PKN3: variants seen among roughly 807,000 people sequenced by gnomAD.
The protein encoded by PKN3 is serine/threonine-protein kinase N3.
A neutral mutation model predicts 113.1 loss-of-function variants in PKN3; 91 were observed. The observed-to-expected ratio is 0.80, with a 90% CI of 0.68 to 0.96. The LOEUF is 0.96. Among genes scored for constraint, PKN3 ranks in the 40% least tolerant of loss-of-function variants. The probability of loss-of-function intolerance (pLI) is 0.00; values close to 1 mark genes in which losing one functional copy is unlikely to be tolerated. For synonymous variants in PKN3, 467 were observed against 499.0 expected (o/e 0.94, Z 0.85); for missense variants, 1,052 against 1,202.2 (o/e 0.88, Z 1.85).
In PKN3 at chr9:128,719,766, T is replaced by C; in HGVS notation, c.2206T>C (p.Tyr736His). 1 of 1,606,424 alleles carries C rather than the reference T, an allele frequency of 6.2e-7. No individual in the cohort carries two copies. Among genetic ancestry groups the C allele is most frequent in the Admixed American group, 1.7e-5 (1 of 59,456 alleles). ...TCCCGAGGTGCTGACCCAGGAGGCA[T>C]ACACACGGGCTGTGGACTGGTGGGG... ...LAPEVLTQEA[Y>H]TRAVDWWGLG... is the part of the protein sequence containing the mutation. Residue 736 changes from tyrosine to histidine, a missense_variant, in exon 19 of 22, where the codon TAC (tyrosine) becomes CAC (histidine). By Grantham distance (83) the Tyr-to-His change is moderately conservative (BLOSUM62 2). This residue lies in a region of PKN3 where 333 missense variants were observed against 442.8 expected (regional missense o/e 0.75). Transcript: ENST00000291906.
Position 128,719,829 on chromosome 9 carries a change from G to T in PKN3, c.2268+1G>T. ...GCTCTACGAGATGCTGGTGGGTGAG[G>T]TGAGTGCTGGAGCCTGTTTCCTGGG... On this transcript the variant is annotated splice_donor_variant, in intron 19 of 21. Transcript: ENST00000291906. LOFTEE classifies it high-confidence loss of function. 1 of 1,603,614 alleles carries T rather than the reference G, an allele frequency of 6.2e-7. No homozygotes were observed. Among genetic ancestry groups the T allele is most frequent in the Non-Finnish European group, 8.5e-7 (1 of 1,171,942 alleles).
At chr9:128,711,561 G>A (rs1862176492) in intron 6 of PKN3, among the ~76,000 whole-genome samples, 1 of 151,920 alleles carries the variant, frequency 6.6e-6, no homozygotes, top group Non-Finnish European at 1.5e-5. Context: ...GCCTCCCAAA[G>A]TGCTGGGATT....
chr9:128,713,358 G>A lies in PKN3; in HGVS notation c.1063G>A (p.Asp355Asn), dbSNP rs149211383. The change falls in exon 8 of 22, where the codon GAC becomes AAC. Residue 355 changes from aspartate (D) to asparagine (N), a missense_variant. Physicochemically the swap from Asp to Asn is conservative, Grantham distance 23. Around this residue, in one of 2 missense-constraint regions of PKN3, gnomAD observed 719 missense variants for 759.4 expected, o/e 0.95. Transcript: ENST00000291906. Reference sequence around the variant, plus strand: ...GGGGCAGGTGGCCGAACAGTCCTGGGACCAGACCTTTGTCATCCCACTGGA... The same window carrying A: ...GGGGCAGGTGGCCGAACAGTCCTGGAACCAGACCTTTGTCATCCCACTGGA... Reference protein sequence around the residue: ...GWGQVAEQSWDQTFVIPLERA... With the variant: ...GWGQVAEQSWNQTFVIPLERA... 29 of 1,613,966 alleles carry A rather than the reference G, an allele frequency of 1.8e-5. No homozygotes were observed. The highest frequency in any genetic ancestry group is 3.3e-4 in the Middle Eastern group (2 of 6,080).
At chr9:128,707,116 G>C (rs1399067870) in intron 5 of PKN3, 93 bp downstream of exon 5, 2 of 1,594,560 alleles carry the variant, frequency 1.3e-6, no homozygotes, top group Non-Finnish European at 1.7e-6. Context: ...TGTAAAAGCA[G>C]GACTTCTCTG....
intron 16 of PKN3, among the ~76,000 whole-genome samples, chr9:128,717,247 G>A (rs1208114770): frequency 6.8e-6 from 1 of 147,100 alleles, no homozygotes; most frequent in Non-Finnish European, 1.5e-5. Context: ...TCCTGCCTCA[G>A]CCTCCTGAGT....
At chr9:128,703,073 C>T (rs1311656511) in intron 1 of PKN3, 134 bp downstream of exon 1, 4 of 639,364 alleles carry the variant, frequency 6.3e-6, no homozygotes, top group Non-Finnish European at 9.8e-6. Context: ...CTGCCCTGGC[C>T]CCGGCCCCGC....
intron 16 of PKN3, among the ~76,000 whole-genome samples, chr9:128,718,029 C>T (rs535761925): frequency 3.3e-5 from 5 of 149,842 alleles, no homozygotes; most frequent in East Asian, 1.9e-4. Context: ...AGTGAGACTC[C>T]GTCTCAAAAA....
chr9:128,709,145 C>T (rs1424855468), intron 6 of PKN3, among the ~76,000 whole-genome samples: 1 of 151,806 alleles, frequency 6.6e-6, no homozygotes, highest in African/African-American at 2.4e-5. Context: ...ATTAACCGGG[C>T]GTGGTGGCGG....
At chr9:128,718,028 C>T (rs1862397150) in intron 16 of PKN3, among the ~76,000 whole-genome samples, 1 of 151,004 alleles carries the variant, frequency 6.6e-6, no homozygotes, top group Admixed American at 6.6e-5. Context: ...GAGTGAGACT[C>T]CGTCTCAAAA....
In PKN3 at chr9:128,707,359, A is replaced by G. The variant is rs1862051676; in HGVS notation, c.789A>G (p.Gly263=). ...GAGAGTTGCGGGCTGCGGTGCCTGG[A>G]TACCCCCAGCCTTCAGGGACACCTG... is the stretch of plus-strand genomic sequence containing the variant. ...VTRELRAAVP[G]YPQPSGTPVK... Residue 263 remains glycine, a synonymous_variant, in exon 6 of 22, where the codon GGA becomes GGG. Transcript: ENST00000291906. 6.2e-7 allele frequency: 1 copy of G among 1,613,240 alleles called. No homozygotes were observed. The highest frequency in any genetic ancestry group is 1.7e-5 in the Admixed American group (1 of 59,988).
intron 16 of PKN3, among the ~76,000 whole-genome samples, chr9:128,717,861 T>TAAAAAAAA (rs67487928): frequency 7.2e-5 from 7 of 97,814 alleles, no homozygotes; most frequent in Admixed American, 1.1e-4. Flanking sequence ...CTATAAAAAC[T>TAAAAAAAA]AAAAAAAAAA....
rs1572915 is a variant in PKN3, at chr9:128,702,888, A to G, written c.-28A>G. 1,475,893 of 1,476,884 alleles carry G rather than the reference A, an allele frequency of 1. 737,459 individuals are homozygous for G. Among genetic ancestry groups the G allele is most frequent in the East Asian group, 1 (33,898 of 33,898 alleles). 91.5% of individuals were successfully genotyped at this position (1,476,884 alleles called of 1,614,324 possible). ...CTTCCGGGACCGGAGTGGCTGAGAG[A>G]AGGGCCCCAAGCGGCCGGAGCGGCG... On this transcript the variant is annotated 5_prime_UTR_variant, in exon 1 of 22. Coordinates refer to ENST00000291906, the MANE Select transcript of PKN3 (RefSeq NM_013355.5).
Position 128,716,988 on chromosome 9 carries a change from C to G in PKN3, c.1985+65C>G. 3.7e-6 allele frequency: 5 copies of G among 1,355,008 alleles called. No individual in the cohort carries two copies. In the South Asian group the frequency reaches 6.1e-5, roughly 17 times the overall value. 83.9% of individuals were successfully genotyped at this position (1,355,008 alleles called of 1,614,324 possible). A position where few individuals can be genotyped will look rare whatever the true frequency, so the allele number is the denominator to read the frequency against. On this transcript the variant is annotated intron_variant, in intron 16 of 21. Coordinates refer to ENST00000291906, the MANE Select transcript of PKN3 (RefSeq NM_013355.5). ...TTGCCTGGTTCCCTACACCCACTCT[C>G]TACATACTGCTTTCTCCAAGTGCCC...
chr9:128,718,707 C>T, intron 18 of PKN3, 82 bp downstream of exon 18: 1 of 1,301,050 alleles, frequency 7.7e-7, no homozygotes, highest in Admixed American at 1.7e-5. Flanking sequence ...ATGGCATGTC[C>T]CAGGAAATCT....
rs568862650 is a variant in PKN3 at position 128,718,403 on chromosome 9, G to C, written c.2048+16G>C. The C allele has an allele frequency of 6.2e-7, 1 of 1,606,742 alleles. No homozygotes were observed. The highest frequency in any genetic ancestry group is 1.7e-5 in the Admixed American group (1 of 59,984). On this transcript the variant is annotated intron_variant, in intron 17 of 21. Transcript: ENST00000291906. ...TCATTTACAGGTGACTTTTGTCCCA[G>C]GGATGCACGGGGGTAGGGGTGGGGG...
Position 128,718,892 on chromosome 9 carries a change from T to G in PKN3, c.2125+267T>G, listed in dbSNP as rs1334668361. 4.2e-4 allele frequency among the ~76,000 whole-genome samples: 12 copies of G among 28,894 alleles called. No individual in the cohort carries two copies. In the Admixed American group the frequency reaches 6.0e-3, roughly 15 times the overall value. The allele number at this position is 28,894 out of a possible 152,430, so 19.0% of individuals were successfully genotyped here. The stretch of plus-strand genomic sequence containing the variant: ...AGACTGAGTTCTGCCTTCTGTTTTT[T>G]TTTTGGTTTGTTTTTTTTTTTGAGA... On this transcript the variant is annotated intron_variant, in intron 18 of 21. Transcript: ENST00000291906.
At position 128,702,691 on chromosome 9, in the gene PKN3, C is replaced by T; in HGVS notation, c.-225C>T. 2.1e-6 allele frequency: 1 copy of T among 465,508 alleles called. No individual in the cohort carries two copies. The highest frequency in any genetic ancestry group is 3.7e-6 in the Non-Finnish European group (1 of 267,206). 28.8% of individuals were successfully genotyped at this position (465,508 alleles called of 1,614,324 possible). On this transcript the variant is annotated 5_prime_UTR_variant, in exon 1 of 22. Transcript: ENST00000291906. ...CGCGGAATTTTGGATCCGAGGGAGG[C>T]GCTGGGGCGCGGGACCTCGGGCGTG...
intron 6 of PKN3, among the ~76,000 whole-genome samples, chr9:128,712,582 G>T (rs1465939362): frequency 2.0e-5 from 3 of 152,088 alleles, no homozygotes; most frequent in African/African-American, 7.2e-5. Flanking sequence ...TGCTCTCTAG[G>T]CCCCACTTCT....
At position 128,715,628 on chromosome 9, in the gene PKN3, C is replaced by A. The variant is rs1006689507; in HGVS notation, c.1808+168C>A. Among the ~76,000 whole-genome samples, 1 of 152,172 alleles carries A rather than the reference C, an allele frequency of 6.6e-6. No homozygotes were observed. The highest frequency in any genetic ancestry group is 1.5e-5 in the Non-Finnish European group (1 of 68,032). On this transcript the variant is annotated intron_variant, in intron 15 of 21. Coordinates refer to ENST00000291906, the MANE Select transcript of PKN3 (RefSeq NM_013355.5). This position sits in a 1 kb window ranked among gnomAD's most constrained non-coding sequence, Gnocchi z 4.1. ...AACTGTGTTTCCTTGGGCAGGTCCC[C>A]TCTTCTCTCTGTCAGTTTGCTCTAC...
Sources: gnomAD v4.1 joint callset for allele counts (sites outside exome capture counted in the v4.1 genomes callset) on GRCh38, gnomAD v4.1.1 for gene constraint, gnomAD v4.1.1 regional missense constraint, Gnocchi (gnomAD v3.1) non-coding constraint, MANE v1.5 for transcripts, NCBI Gene and HGNC (gene_info 2026-07-23, HGNC 2026-07-21) for gene names.